Variants in BBX observed in about 807,000 individuals in gnomAD.
The protein encoded by BBX is BBX high mobility group box domain containing, also known as HMG box transcription factor BBX.
In BBX, 30 loss-of-function variants were observed where a neutral mutation model predicts 100.2. The ratio of observed to expected loss-of-function variants is 0.30; its 90% CI spans 0.22 to 0.41. The LOEUF is 0.41. Among genes scored for constraint, BBX ranks in the 10% least tolerant of loss-of-function variants. The pLI, the probability that BBX is intolerant of heterozygous loss-of-function variation, is 1.00. For synonymous variants in BBX, 376 were observed against 388.1 expected, an observed-to-expected ratio of 0.97 and a Z score of 0.37; for missense variants, 1,023 against 1,129.8, an observed-to-expected ratio of 0.91 and a Z score of 1.35.
chr3:107,728,009 T>C (rs568913142), intron 5 of BBX, among the ~76,000 whole-genome samples: 126 of 152,248 alleles, frequency 8.3e-4, no homozygotes, highest in African/African-American at 2.9e-3. Context: ...GGTAGCAGAA[T>C]TGAGAGAAAC....
At chr3:107,689,438 G>A (rs2060022699) in intron 3 of BBX, among the ~76,000 whole-genome samples, 1 of 152,130 alleles carries the variant, frequency 6.6e-6, no homozygotes, top group African/African-American at 2.4e-5. Flanking sequence ...TTCCACTTCT[G>A]CCTCAGAAAA....
chr3:107,677,526 A>G (rs1298127546), intron 3 of BBX: 1 of 152,202 alleles, frequency 6.6e-6, no homozygotes, highest in Non-Finnish European at 1.5e-5. Flanking sequence ...CCTTCCAAAC[A>G]TCATAACTTA....
At chr3:107,780,440 G>A (rs572743063) in intron 13 of BBX, among the ~76,000 whole-genome samples, 6 of 152,082 alleles carry the variant, frequency 3.9e-5, no homozygotes, top group African/African-American at 9.6e-5. Context: ...TTGTCTGTAC[G>A]ATTTTTCTCT....
intron 2 of BBX, among the ~76,000 whole-genome samples, chr3:107,621,334 T>G (rs2055752552): frequency 6.6e-6 from 1 of 152,116 alleles, no homozygotes; most frequent in Non-Finnish European, 1.5e-5. Flanking sequence ...GTTTCTTGGG[T>G]CCCCAAAGTC....
intron 2 of BBX, among the ~76,000 whole-genome samples, chr3:107,623,103 C>T (rs957529472): frequency 2.6e-5 from 4 of 152,198 alleles, no homozygotes; most frequent in Non-Finnish European, 5.9e-5. Context: ...GAGCTCCTCC[C>T]TCTCTGCCAT....
chr3:107,682,660 A>G (rs2059628475), intron 3 of BBX, among the ~76,000 whole-genome samples: 1 of 152,164 alleles, frequency 6.6e-6, no homozygotes, highest in Non-Finnish European at 1.5e-5. Context: ...AAGATATGAT[A>G]TGTTGAGAGT....
intron 2 of BBX, among the ~76,000 whole-genome samples, chr3:107,548,947 C>A (rs1009909442): frequency 1.3e-5 from 2 of 152,070 alleles, no homozygotes; most frequent in African/African-American, 4.8e-5. Flanking sequence ...ATTGAATACA[C>A]CATAGACATA....
intron 3 of BBX, among the ~76,000 whole-genome samples, chr3:107,674,534 G>C (rs1158213723): frequency 1.3e-5 from 2 of 152,178 alleles, no homozygotes; most frequent in East Asian, 3.8e-4. Context: ...GCCAAGTGAA[G>C]GGAAGACATT....
intron 2 of BBX, among the ~76,000 whole-genome samples, chr3:107,529,486 T>C (rs1004917996): frequency 6.6e-6 from 1 of 152,246 alleles, no homozygotes; most frequent in African/African-American, 2.4e-5. Flanking sequence ...CAGGCAGTCC[T>C]CAGTACACTG....
rs1576914039 is a variant in BBX at position 107,808,253 on chromosome 3, T to C, written c.*2796T>C. 1 of 152,206 alleles carries C rather than the reference T, an allele frequency of 6.6e-6. No individual in the cohort carries two copies. The highest frequency in any genetic ancestry group is 2.1e-4 in the South Asian group (1 of 4,832). 9.4% of individuals were successfully genotyped at this position (152,206 alleles called of 1,614,324 possible). On this transcript the variant is annotated 3_prime_UTR_variant, in exon 18 of 18. Transcript: ENST00000325805. Reference sequence around the variant, plus strand: ...CAAGAGAAAAAGTTGTTGCACCTTATATATATCTCAAGCAAACCAAAATAT... The same window carrying C: ...CAAGAGAAAAAGTTGTTGCACCTTACATATATCTCAAGCAAACCAAAATAT...
At chr3:107,698,094 A>C (rs976094262) in intron 3 of BBX, among the ~76,000 whole-genome samples, 4 of 151,562 alleles carry the variant, frequency 2.6e-5, no homozygotes, top group Non-Finnish European at 5.9e-5. Context: ...GCGCCCACTG[A>C]ATGGCACTCC....
chr3:107,690,759 C>T (rs989090955), intron 3 of BBX, among the ~76,000 whole-genome samples: 1 of 151,810 alleles, frequency 6.6e-6, no homozygotes, highest in African/African-American at 2.4e-5. Flanking sequence ...CTCTAGGGTA[C>T]TTCAGTAAAC....
At chr3:107,701,076 A>G (rs963748075) in intron 3 of BBX, among the ~76,000 whole-genome samples, 9 of 151,880 alleles carry the variant, frequency 5.9e-5, no homozygotes, top group South Asian at 4.2e-4. Context: ...AAGTGTTCCT[A>G]TTTCTCCACA....
intron 7 of BBX, among the ~76,000 whole-genome samples, chr3:107,741,421 G>A (rs2064099941): frequency 3.3e-5 from 5 of 152,020 alleles, no homozygotes; most frequent in Admixed American, 2.0e-4. Context: ...ATTGAATTTG[G>A]GGAAATCAAA....
At chr3:107,658,775 A>G (rs918888057) in intron 3 of BBX, among the ~76,000 whole-genome samples, 1 of 152,098 alleles carries the variant, frequency 6.6e-6, no homozygotes, top group East Asian at 1.9e-4. Context: ...CCTTAAATGT[A>G]GGTGTCATTA....
At chr3:107,650,274 T>C (rs948262070) in intron 3 of BBX, among the ~76,000 whole-genome samples, 2 of 152,070 alleles carry the variant, frequency 1.3e-5, no homozygotes, top group Admixed American at 6.6e-5. Context: ...TAGATTCTCA[T>C]AGGAACCTGA....
intron 3 of BBX, among the ~76,000 whole-genome samples, chr3:107,667,766 A>G (rs1221268204): frequency 6.6e-6 from 1 of 152,072 alleles, no homozygotes; most frequent in Non-Finnish European, 1.5e-5. Flanking sequence ...CCAAGGAAGT[A>G]TTCTAAAAAT....
intron 2 of BBX, among the ~76,000 whole-genome samples, chr3:107,562,194 A>G (rs1157545472): frequency 6.6e-6 from 1 of 152,196 alleles, no homozygotes; most frequent in Non-Finnish European, 1.5e-5. Context: ...CAATGCGATT[A>G]CATTCAAATA....
At position 107,662,174 on chromosome 3, in the gene BBX, T is replaced by A. The variant is rs1022886049; in HGVS notation, c.-10+16265T>A. Among the ~76,000 whole-genome samples, 4 of 152,170 alleles carry A rather than the reference T, an allele frequency of 2.6e-5. No homozygotes were observed. In the East Asian group the frequency reaches 7.7e-4, roughly 29 times the overall value. On this transcript the variant is annotated intron_variant, in intron 3 of 17. Transcript: ENST00000325805. Reference sequence around the variant, plus strand: ...GTGTTTTATGTGTGCTGATGGGGCCTAGGGTTAATGGAGTAGAGAAAGCCA... The same window carrying A: ...GTGTTTTATGTGTGCTGATGGGGCCAAGGGTTAATGGAGTAGAGAAAGCCA...
Sources: allele counts gnomAD v4.1 joint callset (sites outside exome capture counted in the v4.1 genomes callset), GRCh38; gene constraint gnomAD v4.1.1; transcripts MANE v1.5; gene names NCBI Gene and HGNC (gene_info 2026-07-23, HGNC 2026-07-21).